Variants in ILRUN observed in about 807,000 individuals in gnomAD.
ILRUN encodes the protein inflammation and lipid regulator with UBA-like and NBR1-like domains.
ILRUN carries 3 observed loss-of-function variants against 33.8 expected under a neutral mutation model. That is an observed-to-expected ratio of 0.09 (90% CI 0.04 to 0.23). ILRUN has a LOEUF of 0.23. ILRUN is among the 10% of genes least tolerant of loss of function. ILRUN has a pLI of 1.00. For missense variants in ILRUN, 210 were observed against 375.1 expected, an observed-to-expected ratio of 0.56 and a Z score of 3.64; for synonymous variants, 124 against 138.9, an observed-to-expected ratio of 0.89 and a Z score of 0.75.
intron 4 of ILRUN, chr6:34,595,641 A>G: frequency 2.0e-6 from 1 of 495,118 alleles, no homozygotes. Flanking sequence ...TCATTGAGAG[A>G]TTTTTGCATT....
intron 3 of ILRUN, among the ~76,000 whole-genome samples, chr6:34,637,864 C>CTGTTGTTGTTGTTGTTGT (rs57559266): frequency 2.5e-4 from 36 of 142,020 alleles, no homozygotes; most frequent in East Asian, 4.3e-4. Context: ...GCTGCTGCTG[C>CTGTTGTTGTTGTTGTTGT]TGTTGTTGTT....
At chr6:34,611,902 A>G (rs1352830879) in intron 3 of ILRUN, among the ~76,000 whole-genome samples, 1 of 152,170 alleles carries the variant, frequency 6.6e-6, no homozygotes, top group East Asian at 1.9e-4. Flanking sequence ...AGGGAACTAA[A>G]GCTATGGTTA....
chr6:34,632,438 C>T (rs1762267445), intron 3 of ILRUN, among the ~76,000 whole-genome samples: 1 of 151,618 alleles, frequency 6.6e-6, no homozygotes, highest in Non-Finnish European at 1.5e-5. Flanking sequence ...AAGACTCCAT[C>T]TCAAAATAAA....
Position 34,654,719 on chromosome 6 carries a change from G to C in ILRUN, c.219C>G (p.Pro73=). 1.2e-6 allele frequency: 2 copies of C among 1,614,078 alleles called. No homozygotes were observed. The highest frequency in any genetic ancestry group is 1.7e-6 in the Non-Finnish European group (2 of 1,179,990). Residue 73 remains proline, a synonymous_variant, in exon 2 of 5, where the codon CCC becomes CCG. Transcript: ENST00000374023. ...YDFESPNISV[P]SMSFVEDVTI... is the part of the protein sequence containing the mutation. ...TGACATCTTCAACAAAGGACATAGA[G>C]GGCACACTGATGTTTGGGCTCTCAA... is the stretch of plus-strand genomic sequence containing the variant.
chr6:34,686,725 T>G (rs1450873417), intron 1 of ILRUN: 1 of 203,920 alleles, frequency 4.9e-6, no homozygotes, highest in Non-Finnish European at 1.0e-5. Flanking sequence ...TCCCAGCACT[T>G]TGGGAGGCAG....
At chr6:34,611,096 TGA>T (rs1339780788) in intron 3 of ILRUN, among the ~76,000 whole-genome samples, 1 of 128,370 alleles carries the variant, frequency 7.8e-6, no homozygotes, top group African/African-American at 3.5e-5. Context: ...TCTTTCTTTC[TGA>T]TGTCTTTTTT....
intron 1 of ILRUN, among the ~76,000 whole-genome samples, 158 bp from the exon 2 acceptor site, chr6:34,654,937 T>C (rs1375843025): frequency 3.3e-5 from 5 of 152,148 alleles, no homozygotes; most frequent in South Asian, 2.1e-4. Context: ...TGAGGAACAA[T>C]AGGAAAAACA....
intron 4 of ILRUN, among the ~76,000 whole-genome samples, chr6:34,603,418 G>T (rs2103646): frequency 1.3e-5 from 2 of 151,908 alleles, no homozygotes; most frequent in South Asian, 4.1e-4. Context: ...GCGGATCACG[G>T]GGTCAGGAGA....
chr6:34,631,750 A>G (rs945691029), intron 3 of ILRUN, among the ~76,000 whole-genome samples: 2 of 152,214 alleles, frequency 1.3e-5, no homozygotes, highest in African/African-American at 4.8e-5. Context: ...AAGGGAGGAA[A>G]GGGGAGCCAT....
intron 2 of ILRUN, among the ~76,000 whole-genome samples, chr6:34,651,789 C>CTT (rs11288958): frequency 1.9e-3 from 193 of 102,806 alleles, no homozygotes; most frequent in Non-Finnish European, 2.8e-3. Flanking sequence ...TTCCAAAAAA[C>CTT]TTTTTTTTTT....
At chr6:34,676,558 A>G (rs1314404433) in intron 1 of ILRUN, among the ~76,000 whole-genome samples, 1 of 151,684 alleles carries the variant, frequency 6.6e-6, no homozygotes, top group African/African-American at 2.4e-5. Context: ...GCTCCAGAGC[A>G]GTGGCACGAC....
chr6:34,595,277 T>C (rs1288369229), intron 4 of ILRUN, among the ~76,000 whole-genome samples: 1 of 152,234 alleles, frequency 6.6e-6, no homozygotes, highest in Non-Finnish European at 1.5e-5. Flanking sequence ...CTTAGAGTCC[T>C]TTCTAAAATT....
chr6:34,610,898 C>T (rs1330058743), intron 3 of ILRUN, among the ~76,000 whole-genome samples: 1 of 152,046 alleles, frequency 6.6e-6, no homozygotes, highest in African/African-American at 2.4e-5. Context: ...ACCACCACCC[C>T]TTTTCTCCCT....
chr6:34,623,842 CTTTT>C (rs957148116), intron 3 of ILRUN, among the ~76,000 whole-genome samples: 1 of 152,068 alleles, frequency 6.6e-6, no homozygotes, highest in Non-Finnish European at 1.5e-5. Context: ...ACTTCTTTTT[CTTTT>C]TGTTTTTTTG....
At chr6:34,669,223 G>C (rs929423485) in intron 1 of ILRUN, among the ~76,000 whole-genome samples, 2 of 151,426 alleles carry the variant, frequency 1.3e-5, no homozygotes, top group Non-Finnish European at 2.9e-5. Context: ...TCCTGGGCTC[G>C]AGTGATCCTC....
At chr6:34,645,178 T>C (rs1762542236) in intron 3 of ILRUN, among the ~76,000 whole-genome samples, 1 of 152,316 alleles carries the variant, frequency 6.6e-6, no homozygotes, top group Admixed American at 6.5e-5. Context: ...CCACAGGCCA[T>C]GAGTCCAGTT....
In ILRUN at chr6:34,693,670, TTA is replaced by T. The variant is rs760196362; in HGVS notation, c.158+2774_158+2775del. On this transcript the variant is annotated intron_variant, in intron 1 of 4. Transcript: ENST00000374023. Reference sequence around the variant, plus strand: ...ACTCAAATAGAAGTTTTATTTTATTTTATTTTTTTTTTTTGAGACGGAGTCTC... The same window carrying T: ...ACTCAAATAGAAGTTTTATTTTATTTTTTTTTTTTTTTGAGACGGAGTCTC... 2.4e-3 allele frequency among the ~76,000 whole-genome samples: 346 copies of T among 145,402 alleles called. 1 individual carries two copies. Among genetic ancestry groups the T allele is most frequent in the African/African-American group, 8.1e-3 (323 of 39,810 alleles).
At chr6:34,631,156 C>G (rs1377058723) in intron 3 of ILRUN, among the ~76,000 whole-genome samples, 1 of 152,138 alleles carries the variant, frequency 6.6e-6, no homozygotes, top group Non-Finnish European at 1.5e-5. Flanking sequence ...AACTGTGTTT[C>G]TTGCTTTTTA....
Position 34,657,212 on chromosome 6 carries a change from AAGT to A in ILRUN, c.159-2436_159-2434del, listed in dbSNP as rs199810296. The stretch of plus-strand genomic sequence containing the variant: ...AATTTTTTTGCAGCAGGTCTTCAGT[AAGT>A]AGCCTGCTGAATTGTTTTCTGTTCA... On this transcript the variant is annotated intron_variant, in intron 1 of 4. Coordinates refer to ENST00000374023, the MANE Select transcript of ILRUN (RefSeq NM_024294.4). 7.3e-3 allele frequency among the ~76,000 whole-genome samples: 1,116 copies of A among 152,332 alleles called. 21 individuals are homozygous for A. Among genetic ancestry groups the A allele is most frequent in the African/African-American group, 0.026 (1,061 of 41,572 alleles).
Sources: allele counts gnomAD v4.1 joint callset (sites outside exome capture counted in the v4.1 genomes callset), GRCh38; gene constraint gnomAD v4.1.1; transcripts MANE v1.5; gene names NCBI Gene and HGNC (gene_info 2026-07-23, HGNC 2026-07-21).